FBXL17: variants seen among roughly 807,000 people sequenced by gnomAD.
FBXL17 encodes F-box and leucine rich repeat protein 17, also known as F-box/LRR-repeat protein 17.
Under a neutral mutation model 66.2 loss-of-function variants are expected in FBXL17, and 22 were observed. The observed-to-expected ratio is 0.33, with a 90% confidence interval of 0.24 to 0.47. The LOEUF (loss-of-function observed/expected upper bound fraction) is 0.47, where lower values mean the gene tolerates loss of function less well. Ranked by LOEUF, FBXL17 falls within the 20% of genes least tolerant of loss-of-function variation. The pLI, the probability that FBXL17 is intolerant of heterozygous loss-of-function variation, is 1.00. For missense variants in FBXL17, 878 were observed against 948.2 expected (o/e 0.93, Z 0.97); for synonymous variants, 474 against 400.5 (o/e 1.18, Z -2.19).
intron 7 of FBXL17, among the ~76,000 whole-genome samples, chr5:108,013,348 C>T (rs1046609314): frequency 3.3e-5 from 5 of 152,242 alleles, no homozygotes; most frequent in East Asian, 3.9e-4. Flanking sequence ...AAAATTTGTC[C>T]GTGTTTGCAT....
At chr5:108,025,570 T>G (rs2112773506) in intron 6 of FBXL17, among the ~76,000 whole-genome samples, 1 of 151,964 alleles carries the variant, frequency 6.6e-6, no homozygotes, top group South Asian at 2.1e-4. Flanking sequence ...CTATTTGGGG[T>G]TTTAGAAATA....
chr5:108,264,700 A>C (rs946298964), intron 4 of FBXL17, among the ~76,000 whole-genome samples: 1 of 152,160 alleles, frequency 6.6e-6, no homozygotes, highest in African/African-American at 2.4e-5. Context: ...AAAAGATCAG[A>C]GTGCAAAGAT....
intron 4 of FBXL17, among the ~76,000 whole-genome samples, chr5:108,279,669 A>G (rs1757625774): frequency 6.6e-6 from 1 of 152,116 alleles, no homozygotes; most frequent in African/African-American, 2.4e-5. Flanking sequence ...TATTTATTTT[A>G]AAGAACCTCA....
At chr5:107,871,069 A>AAAAAAAAAAAAAACAAAAAAC (rs1456052737) in intron 8 of FBXL17, among the ~76,000 whole-genome samples, 1 of 130,174 alleles carries the variant, frequency 7.7e-6, no homozygotes, top group African/African-American at 3.2e-5. Flanking sequence ...AAAAAAAAAA[A>AAAAAAAAAAAAAACAAAAAAC]AAAAAAAAAA....
intron 7 of FBXL17, among the ~76,000 whole-genome samples, chr5:107,925,372 A>G (rs1175506607): frequency 6.6e-6 from 1 of 152,118 alleles, no homozygotes; most frequent in Non-Finnish European, 1.5e-5. Context: ...TTTTTGGGTG[A>G]AGATCTATGT....
chr5:107,890,305 GT>G (rs1309923309), intron 7 of FBXL17, among the ~76,000 whole-genome samples: 1 of 151,392 alleles, frequency 6.6e-6, no homozygotes, highest in Non-Finnish European at 1.5e-5. Flanking sequence ...CCTAAACTGA[GT>G]TTTTCAGACC....
At chr5:108,258,104 A>G (rs547962569) in intron 4 of FBXL17, among the ~76,000 whole-genome samples, 2 of 152,138 alleles carry the variant, frequency 1.3e-5, no homozygotes, top group Non-Finnish European at 2.9e-5. Flanking sequence ...CTAACTCCCT[A>G]ACTCCAGACT....
chr5:108,002,094 C>T (rs1753751798), intron 7 of FBXL17, among the ~76,000 whole-genome samples: 1 of 151,852 alleles, frequency 6.6e-6, no homozygotes, highest in Non-Finnish European at 1.5e-5. Context: ...CAGCTCACTG[C>T]AACCTCCGCC....
intron 7 of FBXL17, among the ~76,000 whole-genome samples, chr5:107,960,706 C>A (rs1580252162): frequency 6.6e-6 from 1 of 152,126 alleles, no homozygotes; most frequent in Non-Finnish European, 1.5e-5. Flanking sequence ...AAATACAAAT[C>A]CAGCAATCCA....
intron 4 of FBXL17, among the ~76,000 whole-genome samples, chr5:108,249,252 T>G (rs2150111041): frequency 6.6e-6 from 1 of 152,186 alleles, no homozygotes; most frequent in African/African-American, 2.4e-5. Flanking sequence ...AGACATGCCT[T>G]GCCCTGTTAC....
chr5:108,147,150 C>T (rs1751592237), intron 6 of FBXL17, among the ~76,000 whole-genome samples: 1 of 152,160 alleles, frequency 6.6e-6, no homozygotes, highest in African/African-American at 2.4e-5. Context: ...AGTGGTTATT[C>T]AACTTCAACT....
intron 4 of FBXL17, among the ~76,000 whole-genome samples, chr5:108,253,080 A>G (rs538217491): frequency 1.1e-4 from 17 of 152,314 alleles, no homozygotes; most frequent in African/African-American, 4.1e-4. Flanking sequence ...CCATATCAAT[A>G]AAGCATTCTC....
At chr5:108,221,418 C>T (rs1466044702) in intron 5 of FBXL17, among the ~76,000 whole-genome samples, 1 of 152,140 alleles carries the variant, frequency 6.6e-6, no homozygotes, top group Non-Finnish European at 1.5e-5. Flanking sequence ...TTCATAGATT[C>T]TTCAGGGTGC....
intron 7 of FBXL17, among the ~76,000 whole-genome samples, chr5:107,913,351 A>G (rs1750012786): frequency 6.6e-6 from 1 of 152,110 alleles, no homozygotes; most frequent in Non-Finnish European, 1.5e-5. Flanking sequence ...CAAGTCTTGG[A>G]GTAGGGCAGA....
At chr5:107,989,076 A>C (rs1340690820) in intron 7 of FBXL17, among the ~76,000 whole-genome samples, 1 of 152,042 alleles carries the variant, frequency 6.6e-6, no homozygotes. Context: ...ACAATGTGTA[A>C]TGATTAAGTC....
At chr5:108,354,288 A>G (rs936722220) in intron 3 of FBXL17, among the ~76,000 whole-genome samples, 1 of 152,196 alleles carries the variant, frequency 6.6e-6, no homozygotes, top group Non-Finnish European at 1.5e-5. Flanking sequence ...GAAATTTTTT[A>G]AAACTACAAT....
intron 4 of FBXL17, among the ~76,000 whole-genome samples, chr5:108,330,080 T>A (rs904956349): frequency 1.3e-5 from 2 of 152,134 alleles, no homozygotes; most frequent in African/African-American, 4.8e-5. Flanking sequence ...TACAAAAAAA[T>A]AACTGAACCA....
At chr5:108,130,970 T>C (rs1311390380) in intron 6 of FBXL17, among the ~76,000 whole-genome samples, 4 of 152,134 alleles carry the variant, frequency 2.6e-5, no homozygotes, top group Non-Finnish European at 1.5e-5. Flanking sequence ...TTTCAAGTCT[T>C]TCTAAACCTT....
chr5:108,111,020 T>G (rs1436811417), intron 6 of FBXL17, among the ~76,000 whole-genome samples: 1 of 152,148 alleles, frequency 6.6e-6, no homozygotes, highest in Non-Finnish European at 1.5e-5. Flanking sequence ...ACAAGAAATC[T>G]TCAACAAGTG....
Sources: gnomAD v4.1 joint callset for allele counts (sites outside exome capture counted in the v4.1 genomes callset) on GRCh38, gnomAD v4.1.1 for gene constraint, MANE v1.5 for transcripts, NCBI Gene and HGNC (gene_info 2026-07-23, HGNC 2026-07-21) for gene names.